The following GOLPH3L variants were observed in gnomAD, a reference collection of about 807,000 sequenced individuals.
GOLPH3L encodes golgi phosphoprotein 3 like.
GOLPH3L carries 22 observed loss-of-function variants against 30.3 expected under a neutral mutation model. The observed-to-expected ratio is 0.73, with a 90% CI of 0.52 to 1.04. The LOEUF (loss-of-function observed/expected upper bound fraction) is 1.04. GOLPH3L is among the 50% of genes least tolerant of loss of function. The pLI, the probability that GOLPH3L is intolerant of heterozygous loss-of-function variation, is 0.00. For missense variants in GOLPH3L, 303 were observed against 345.8 expected (o/e 0.88, Z 0.98); for synonymous variants, 120 against 128.2 (o/e 0.94, Z 0.43).
chr1:150,696,496 T>A (rs958499747), intron 1 of GOLPH3L, among the ~76,000 whole-genome samples: 1 of 152,228 alleles, frequency 6.6e-6, no homozygotes, highest in African/African-American at 2.4e-5. Context: ...ATATTCTCCA[T>A]AGCAACTAGC....
chr1:150,673,687 G>C, intron 2 of GOLPH3L, among the ~76,000 whole-genome samples: 1 of 152,088 alleles, frequency 6.6e-6, no homozygotes, highest in Non-Finnish European at 1.5e-5. Flanking sequence ...CTAGTACTTT[G>C]GGAGGCCAAG....
chr1:150,671,702 G>A (rs1650647665), intron 2 of GOLPH3L, among the ~76,000 whole-genome samples: 1 of 151,354 alleles, frequency 6.6e-6, no homozygotes. Context: ...CTATTCGGGA[G>A]GCTGAGACAA....
intron 2 of GOLPH3L, 88 bp downstream of exon 2, chr1:150,694,568 T>C (rs893079950): frequency 3.8e-6 from 3 of 790,380 alleles, no homozygotes; most frequent in Non-Finnish European, 5.9e-6. Context: ...GACCAATTTA[T>C]TATTAAATAT....
At chr1:150,683,229 C>T (rs778846858) in intron 2 of GOLPH3L, among the ~76,000 whole-genome samples, 13 of 151,980 alleles carry the variant, frequency 8.6e-5, no homozygotes, top group Admixed American at 3.3e-4. Context: ...TGGCGAAACC[C>T]CATCGCTATT....
At chr1:150,666,562 T>C (rs1650513006) in intron 2 of GOLPH3L, among the ~76,000 whole-genome samples, 1 of 152,104 alleles carries the variant, frequency 6.6e-6, no homozygotes, top group Non-Finnish European at 1.5e-5. Context: ...GGTCTTGAAC[T>C]CCTGACCTCA....
intron 2 of GOLPH3L, among the ~76,000 whole-genome samples, chr1:150,687,998 T>G (rs1359602836): frequency 2.0e-5 from 3 of 152,196 alleles, no homozygotes; most frequent in South Asian, 4.1e-4. Context: ...TACATTAAAA[T>G]ATTAACCCAA....
intron 2 of GOLPH3L, among the ~76,000 whole-genome samples, chr1:150,693,180 C>T (rs774283190): frequency 1.3e-5 from 2 of 152,078 alleles, no homozygotes; most frequent in African/African-American, 2.4e-5. Context: ...TTTAACAATA[C>T]ACAGACTATA....
At chr1:150,658,897 A>G (rs1365251076) in intron 4 of GOLPH3L, among the ~76,000 whole-genome samples, 1 of 152,244 alleles carries the variant, frequency 6.6e-6, no homozygotes, top group East Asian at 1.9e-4. Flanking sequence ...GGGAAAGAAT[A>G]AAAAACCATC....
intron 2 of GOLPH3L, among the ~76,000 whole-genome samples, chr1:150,675,839 AAGAGT>A (rs1185804260): frequency 6.6e-6 from 1 of 151,204 alleles, no homozygotes; most frequent in Admixed American, 6.6e-5. Flanking sequence ...AGAAACTGCG[AAGAGT>A]ACTGATTTCA....
At chr1:150,654,333 C>G (rs1052063625) in intron 4 of GOLPH3L, among the ~76,000 whole-genome samples, 14 of 150,948 alleles carry the variant, frequency 9.3e-5, no homozygotes, top group Non-Finnish European at 1.8e-4. Context: ...ATAGGGAAAC[C>G]CTATCTCTAC....
intron 2 of GOLPH3L, among the ~76,000 whole-genome samples, chr1:150,666,342 TTTTGTTTG>T (rs139020031): frequency 1.3e-5 from 2 of 151,398 alleles, no homozygotes; most frequent in Non-Finnish European, 1.5e-5. Flanking sequence ...TCTGGAGAGT[TTTTGTTTG>T]TTTGTTTGTT....
intron 2 of GOLPH3L, among the ~76,000 whole-genome samples, chr1:150,682,944 A>AT (rs1417350631): frequency 1.3e-5 from 2 of 152,224 alleles, no homozygotes; most frequent in Middle Eastern, 3.4e-3. Context: ...TTCCTATAGC[A>AT]TTTTTTTGGT....
At chr1:150,683,847 A>T (rs1011772133) in intron 2 of GOLPH3L, among the ~76,000 whole-genome samples, 3 of 152,080 alleles carry the variant, frequency 2.0e-5, no homozygotes, top group African/African-American at 4.8e-5. Flanking sequence ...ATGTACATAA[A>T]TAAATATGCA....
intron 2 of GOLPH3L, among the ~76,000 whole-genome samples, chr1:150,685,593 T>C (rs587745944): frequency 6.6e-6 from 1 of 152,154 alleles, no homozygotes; most frequent in African/African-American, 2.4e-5. Flanking sequence ...ATGCACCTTA[T>C]AGTCCCAGCT....
Position 150,681,261 on chromosome 1 carries a change from T to G in GOLPH3L, c.183+13395A>C, listed in dbSNP as rs1458194013. Among the ~76,000 whole-genome samples, 13 of 152,350 alleles carry G rather than the reference T, an allele frequency of 8.5e-5. No homozygotes were observed. In the South Asian group the frequency reaches 2.5e-3, roughly 29 times the overall value. On this transcript the variant is annotated intron_variant, in intron 2 of 4. Coordinates refer to ENST00000271732, the MANE Select transcript of GOLPH3L (RefSeq NM_018178.6). ...ATGTGAAAATGGAGCCCAAGTCATA[T>G]AGCTGATAAGTGGTAGAACCGGGAT...
In GOLPH3L at chr1:150,646,559, G is replaced by A. The variant is rs975780470; in HGVS notation, c.*1762C>T. The A allele has an allele frequency of 1.3e-5, 2 of 152,186 alleles. No individual in the cohort carries two copies. The highest frequency in any genetic ancestry group is 1.3e-4 in the Admixed American group (2 of 15,270). The allele number at this position is 152,186 out of a possible 1,614,324, so 9.4% of individuals were successfully genotyped here. ...AGCTGTATTCAGCCTCACATTTAGA[G>A]ACTGTTTCCTATTACAATTTATATC... On this transcript the variant is annotated 3_prime_UTR_variant, in exon 5 of 5. Coordinates refer to ENST00000271732, the MANE Select transcript of GOLPH3L (RefSeq NM_018178.6).
chr1:150,696,919 T>C (rs1651370479), intron 1 of GOLPH3L, 73 bp downstream of exon 1: 1 of 152,038 alleles, frequency 6.6e-6, no homozygotes, highest in Non-Finnish European at 1.5e-5. Context: ...CATAAAATAA[T>C]AATTTTAAAA....
intron 4 of GOLPH3L, among the ~76,000 whole-genome samples, chr1:150,650,156 T>A (rs757948618): frequency 2.0e-5 from 3 of 152,124 alleles, no homozygotes; most frequent in Admixed American, 6.5e-5. Flanking sequence ...GTGATGGCTA[T>A]GTCAAAATCA....
intron 3 of GOLPH3L, 44 bp downstream of exon 3, chr1:150,663,588 T>C (rs1650423082): frequency 6.4e-7 from 1 of 1,552,724 alleles, no homozygotes; most frequent in East Asian, 2.3e-5. Context: ...ACTGTTGGTA[T>C]TTGCCTTTCC....
Sources: gnomAD v4.1 joint callset for allele counts (sites outside exome capture counted in the v4.1 genomes callset) on GRCh38, gnomAD v4.1.1 for gene constraint, MANE v1.5 for transcripts, NCBI Gene and HGNC (gene_info 2026-07-23, HGNC 2026-07-21) for gene names.